LRMDA: variants seen among roughly 807,000 people sequenced by gnomAD.
LRMDA encodes the protein leucine-rich melanocyte differentiation-associated protein.
LRMDA carries 18 observed loss-of-function variants against 29.8 expected under a neutral mutation model. The ratio of observed to expected loss-of-function variants is 0.60; its 90% confidence interval spans 0.42 to 0.90. LRMDA has a LOEUF of 0.90. Among genes scored for constraint, LRMDA ranks in the 40% least tolerant of loss-of-function variants. The pLI is 0.00. For missense variants in LRMDA, 273 were observed against 273.9 expected, an observed-to-expected ratio of 1.00 and a Z score of 0.02; for synonymous variants, 125 against 109.4, an observed-to-expected ratio of 1.14 and a Z score of -0.89.
intron 2 of LRMDA, among the ~76,000 whole-genome samples, chr10:75,942,561 A>G (rs1846410100): frequency 6.6e-6 from 1 of 152,172 alleles, no homozygotes; most frequent in Admixed American, 6.6e-5. Flanking sequence ...GTAATTAACC[A>G]GAGAAGCAAC....
intron 2 of LRMDA, among the ~76,000 whole-genome samples, chr10:75,759,326 G>C (rs1050974588): frequency 7.9e-5 from 12 of 151,954 alleles, no homozygotes; most frequent in African/African-American, 2.9e-4. Context: ...ATTCACTTTG[G>C]GGCTCCGTGT....
At chr10:75,758,249 C>T (rs551999402) in intron 2 of LRMDA, among the ~76,000 whole-genome samples, 1 of 152,326 alleles carries the variant, frequency 6.6e-6, no homozygotes, top group Non-Finnish European at 1.5e-5. Context: ...GGTGTGCTCC[C>T]GCCCTCTCAG....
chr10:75,557,297 G>C (rs1348242653), intron 2 of LRMDA, among the ~76,000 whole-genome samples: 1 of 145,946 alleles, frequency 6.9e-6, no homozygotes, highest in Non-Finnish European at 1.5e-5. Context: ...CTGGGAGACA[G>C]AGCGAGACTC....
chr10:75,461,207 G>A (rs892956467), intron 2 of LRMDA, among the ~76,000 whole-genome samples: 2 of 152,164 alleles, frequency 1.3e-5, no homozygotes, highest in African/African-American at 2.4e-5. Context: ...TGATGGAGAA[G>A]TGGCTCATTG....
intron 2 of LRMDA, among the ~76,000 whole-genome samples, chr10:75,778,222 T>G (rs148327390): frequency 3.0e-4 from 45 of 152,178 alleles, no homozygotes; most frequent in African/African-American, 1.0e-3. Flanking sequence ...GGACTACAGG[T>G]GCACGCCACC....
chr10:75,702,320 C>G (rs537876570), intron 2 of LRMDA, among the ~76,000 whole-genome samples: 1 of 152,294 alleles, frequency 6.6e-6, no homozygotes, highest in Admixed American at 6.5e-5. Flanking sequence ...TATTTGCCAA[C>G]TGGATAGATG....
At chr10:76,414,743 C>G (rs1841997627) in intron 6 of LRMDA, among the ~76,000 whole-genome samples, 1 of 152,188 alleles carries the variant, frequency 6.6e-6, no homozygotes, top group African/African-American at 2.4e-5. Context: ...GCTTAGCTGG[C>G]TGCCCGAGTC....
intron 5 of LRMDA, among the ~76,000 whole-genome samples, chr10:76,272,765 G>A (rs1840083688): frequency 6.6e-6 from 1 of 152,140 alleles, no homozygotes; most frequent in South Asian, 2.1e-4. Flanking sequence ...TGGCTGAGGA[G>A]GCCTGAGGAA....
intron 2 of LRMDA, among the ~76,000 whole-genome samples, chr10:75,857,815 A>G (rs2132318266): frequency 6.6e-6 from 1 of 152,222 alleles, no homozygotes; most frequent in East Asian, 1.9e-4. Context: ...AGCAATACAC[A>G]TAAGATGCAC....
rs532968676 is a variant in LRMDA at position 76,199,533 on chromosome 10, A to G, written c.517-124868A>G. 1.2e-3 allele frequency among the ~76,000 whole-genome samples: 186 copies of G among 152,350 alleles called. 2 individuals carry two copies. Among genetic ancestry groups the G allele is most frequent in the Admixed American group, 2.1e-3 (32 of 15,308 alleles). On this transcript the variant is annotated intron_variant, in intron 5 of 6. Coordinates refer to ENST00000611255, the MANE Select transcript of LRMDA (RefSeq NM_001305581.2). ...TTACTTGTATCCTTGACACCCATGC[A>G]GCAAGTATGTGCTACGTGGAGACCA...
At chr10:75,434,427 C>T (rs1844242679) in intron 1 of LRMDA, among the ~76,000 whole-genome samples, 1 of 152,192 alleles carries the variant, frequency 6.6e-6, no homozygotes, top group African/African-American at 2.4e-5. Flanking sequence ...TTATTCTTAA[C>T]ACCTTTGGAG....
At chr10:75,599,106 TTAATC>T (rs760653708) in intron 2 of LRMDA, among the ~76,000 whole-genome samples, 17 of 152,042 alleles carry the variant, frequency 1.1e-4, no homozygotes, top group South Asian at 4.2e-4. Context: ...GGTAAAAAAA[TTAATC>T]TAAGATTTCC....
chr10:75,438,245 C>G (rs1589144415), intron 1 of LRMDA, 149 bp from the exon 2 acceptor site: 2 of 662,524 alleles, frequency 3.0e-6, no homozygotes, highest in East Asian at 5.5e-5. Flanking sequence ...CTGATTTGAT[C>G]AGGGAAACAG....
intron 2 of LRMDA, among the ~76,000 whole-genome samples, chr10:75,726,764 G>A (rs1842636190): frequency 6.6e-6 from 1 of 152,208 alleles, no homozygotes; most frequent in African/African-American, 2.4e-5. Flanking sequence ...AGCCGGCCAT[G>A]GCTAGGAAGT....
intron 6 of LRMDA, chr10:76,470,419 A>G (rs1319143210): frequency 6.6e-6 from 1 of 152,108 alleles, no homozygotes; most frequent in African/African-American, 2.4e-5. Context: ...AGAACTGAAA[A>G]CAAGAACTCA....
chr10:75,595,440 A>G (rs1840774162), intron 2 of LRMDA, among the ~76,000 whole-genome samples: 1 of 151,886 alleles, frequency 6.6e-6, no homozygotes, highest in Non-Finnish European at 1.5e-5. Context: ...TAAATCTTAA[A>G]TTAGCCATCT....
chr10:76,480,509 T>C (rs759022775), intron 6 of LRMDA, among the ~76,000 whole-genome samples: 5 of 151,892 alleles, frequency 3.3e-5, no homozygotes, highest in Non-Finnish European at 4.4e-5. Flanking sequence ...TTAAGATAGG[T>C]TTAATATTTT....
At chr10:75,453,970 G>T (rs915688125) in intron 2 of LRMDA, among the ~76,000 whole-genome samples, 4 of 152,200 alleles carry the variant, frequency 2.6e-5, no homozygotes, top group Non-Finnish European at 4.4e-5. Context: ...CAGGGAATAT[G>T]ATCTGTTTCT....
rs368726677 is a variant in LRMDA, at chr10:75,659,112, A to G, written c.131+220618A>G. On this transcript the variant is annotated intron_variant, in intron 2 of 6. Transcript: ENST00000611255. ...TGCTGAGGCCAGCCTGGGGAGACGC[A>G]TGGCACATTGCCGACACAAAGTGCA... Among the ~76,000 whole-genome samples, 101 of 152,354 alleles carry G rather than the reference A, an allele frequency of 6.6e-4. No homozygotes were observed. In the East Asian group the frequency reaches 0.014, roughly 22 times the overall value.
Sources: allele counts gnomAD v4.1 joint callset (sites outside exome capture counted in the v4.1 genomes callset), GRCh38; gene constraint gnomAD v4.1.1; transcripts MANE v1.5; gene names NCBI Gene and HGNC (gene_info 2026-07-23, HGNC 2026-07-21).